The following ATG10 variants were observed in gnomAD, a reference collection of about 807,000 sequenced individuals.
ATG10 encodes the protein autophagy related 10.
Under a neutral mutation model 32.1 loss-of-function variants are expected in ATG10, and 30 were observed. The observed-to-expected ratio is 0.94, with a 90% confidence interval of 0.70 to 1.27. The LOEUF is 1.27. Ranked by LOEUF, ATG10 falls within the 50% of genes most tolerant of loss-of-function variation. ATG10 has a pLI of 0.00. For synonymous variants in ATG10, 87 were observed against 91.5 expected, an observed-to-expected ratio of 0.95 and a Z score of 0.28; for missense variants, 233 against 262.3, an observed-to-expected ratio of 0.89 and a Z score of 0.77.
chr5:82,141,510 T>C (rs1020487426), intron 3 of ATG10, among the ~76,000 whole-genome samples: 3 of 152,166 alleles, frequency 2.0e-5, no homozygotes, highest in African/African-American at 4.8e-5. Context: ...TTGGAGAGGG[T>C]ATAAAAATGA....
chr5:81,979,689 C>CTTT (rs35202555), intron 1 of ATG10, among the ~76,000 whole-genome samples: 2 of 123,818 alleles, frequency 1.6e-5, no homozygotes, highest in Admixed American at 8.2e-5. Flanking sequence ...GTAGGTAAAC[C>CTTT]TTTTTTTTTT....
At chr5:82,233,552 G>T (rs572238345) in intron 5 of ATG10, among the ~76,000 whole-genome samples, 2 of 152,308 alleles carry the variant, frequency 1.3e-5, no homozygotes, top group South Asian at 4.1e-4. Flanking sequence ...GTGAGAGTTT[G>T]AACCCATAAT....
intron 3 of ATG10, among the ~76,000 whole-genome samples, chr5:82,110,509 G>A (rs564585592): frequency 1.3e-5 from 2 of 152,192 alleles, no homozygotes; most frequent in Non-Finnish European, 2.9e-5. Context: ...GTGTGAGATG[G>A]TATCTCATTG....
At chr5:82,233,467 C>A (rs1746442608) in intron 5 of ATG10, among the ~76,000 whole-genome samples, 2 of 152,268 alleles carry the variant, frequency 1.3e-5, no homozygotes, top group Admixed American at 6.5e-5. Flanking sequence ...TGTGTGGCTC[C>A]AATTTTAAAA....
intron 2 of ATG10, among the ~76,000 whole-genome samples, chr5:82,013,482 G>A (rs541898954): frequency 3.9e-5 from 6 of 152,262 alleles, no homozygotes; most frequent in South Asian, 2.1e-4. Flanking sequence ...GGGTGTGTGC[G>A]AGTATCTTTT....
rs562165837 is a variant in ATG10 at position 81,974,948 on chromosome 5, C to T, written c.-13+2642C>T. ...TTCTATTTCTTTCTTTCTATATCCT[C>T]CTATAATTCAAGGATTAACTGAAAT... On this transcript the variant is annotated intron_variant, in intron 1 of 7. Transcript: ENST00000282185. Among the ~76,000 whole-genome samples, 16 of 152,306 alleles carry T rather than the reference C, an allele frequency of 1.1e-4. No homozygotes were observed. In the South Asian group the frequency reaches 1.7e-3, roughly 16 times the overall value.
Position 82,205,398 on chromosome 5 carries a change from T to G in ATG10, c.453+26811T>G, listed in dbSNP as rs141948158. Among the ~76,000 whole-genome samples the G allele has an allele frequency of 4.6e-5, 7 of 152,192 alleles. No individual in the cohort carries two copies. The East Asian group carries it at 1.4e-3, about 29-fold the overall frequency. On this transcript the variant is annotated intron_variant, in intron 5 of 7. Transcript: ENST00000282185. ...GTAATTTACTTGTTTGTTTTTAAGA[T>G]GAGAAAGACTTTATTATTTTAAAAA...
chr5:82,115,567 A>G (rs764785676), intron 3 of ATG10, among the ~76,000 whole-genome samples: 2 of 152,122 alleles, frequency 1.3e-5, no homozygotes, highest in Non-Finnish European at 2.9e-5. Flanking sequence ...TTACTCAGCC[A>G]TTAAATGGCA....
At chr5:82,010,533 T>A (rs1762100817) in intron 2 of ATG10, among the ~76,000 whole-genome samples, 1 of 152,224 alleles carries the variant, frequency 6.6e-6, no homozygotes, top group Non-Finnish European at 1.5e-5. Flanking sequence ...CTAATTTCTT[T>A]AAGTCGATCC....
chr5:82,037,543 G>A (rs570363745), intron 2 of ATG10, among the ~76,000 whole-genome samples: 3 of 152,128 alleles, frequency 2.0e-5, no homozygotes, highest in South Asian at 4.1e-4. Flanking sequence ...CACCGCGCCC[G>A]GCCCCATTTA....
intron 5 of ATG10, among the ~76,000 whole-genome samples, chr5:82,208,481 T>C (rs900185622): frequency 3.9e-5 from 6 of 152,198 alleles, no homozygotes; most frequent in African/African-American, 1.4e-4. Context: ...TTTAATATTG[T>C]TTTATAGTAT....
At chr5:82,191,684 C>A (rs1486678730) in intron 5 of ATG10, among the ~76,000 whole-genome samples, 1 of 152,166 alleles carries the variant, frequency 6.6e-6, no homozygotes, top group African/African-American at 2.4e-5. Flanking sequence ...CCCACAATAA[C>A]AATCTTATTC....
chr5:82,169,574 GA>G (rs1029945369), intron 4 of ATG10, among the ~76,000 whole-genome samples: 6 of 152,060 alleles, frequency 3.9e-5, no homozygotes, highest in African/African-American at 1.4e-4. Flanking sequence ...ACAGTGAGCA[GA>G]AAATAGAAAA....
chr5:82,101,305 T>C (rs974426560), intron 3 of ATG10, among the ~76,000 whole-genome samples: 6 of 152,138 alleles, frequency 3.9e-5, no homozygotes, highest in Non-Finnish European at 7.4e-5. Flanking sequence ...GCTCAGACTC[T>C]TGCAATCACA....
intron 2 of ATG10, among the ~76,000 whole-genome samples, chr5:82,052,389 A>G (rs1207313269): frequency 1.3e-5 from 2 of 152,128 alleles, no homozygotes; most frequent in Non-Finnish European, 2.9e-5. Context: ...TCCATCCAAA[A>G]TGCAATCGGC....
intron 5 of ATG10, among the ~76,000 whole-genome samples, chr5:82,215,919 G>A (rs1036255524): frequency 2.0e-5 from 3 of 146,776 alleles, no homozygotes; most frequent in African/African-American, 5.1e-5. Context: ...TGGGCAACAA[G>A]AGCGAAACTC....
At chr5:82,100,000 G>GCT (rs1765206299) in intron 3 of ATG10, among the ~76,000 whole-genome samples, 1 of 58,940 alleles carries the variant, frequency 1.7e-5, no homozygotes, top group Non-Finnish European at 3.1e-5. Flanking sequence ...CTTTTTCTGT[G>GCT]TTTTTTTTTT....
chr5:82,123,760 T>C (rs1009940573), intron 3 of ATG10, among the ~76,000 whole-genome samples: 4 of 98,832 alleles, frequency 4.0e-5, no homozygotes, highest in Admixed American at 1.1e-4. Context: ...AGACACTGTC[T>C]GTACAAAAAA....
chr5:82,028,561 A>G (rs1762657065), intron 2 of ATG10, among the ~76,000 whole-genome samples: 1 of 152,194 alleles, frequency 6.6e-6, no homozygotes, highest in Admixed American at 6.5e-5. Context: ...TTCCTGTGTA[A>G]GAGTTCCACA....
Sources: allele counts gnomAD v4.1 joint callset (sites outside exome capture counted in the v4.1 genomes callset), GRCh38; gene constraint gnomAD v4.1.1; transcripts MANE v1.5; gene names NCBI Gene and HGNC (gene_info 2026-07-23, HGNC 2026-07-21).